SNUPN: variants seen among roughly 807,000 people sequenced by gnomAD.
The protein encoded by SNUPN is snurportin-1.
Under a neutral mutation model 39.2 loss-of-function variants are expected in SNUPN, and 31 were observed. The observed-to-expected ratio is 0.79, with a 90% CI of 0.59 to 1.07. The LOEUF is 1.07. Ranked by LOEUF, SNUPN falls within the 50% of genes least tolerant of loss-of-function variation. The probability of loss-of-function intolerance (pLI) is 0.00; values close to 1 mark genes in which losing one functional copy is unlikely to be tolerated. For synonymous variants in SNUPN, 132 were observed against 159.0 expected, an observed-to-expected ratio of 0.83 and a Z score of 1.28; for missense variants, 382 against 434.2, an observed-to-expected ratio of 0.88 and a Z score of 1.07.
chr15:75,599,553 C>G (rs1439475321), intron 8 of SNUPN, among the ~76,000 whole-genome samples: 1 of 152,206 alleles, frequency 6.6e-6, no homozygotes, highest in Non-Finnish European at 1.5e-5. Flanking sequence ...TAAACCTCCC[C>G]CTAAATTGTT....
intron 3 of SNUPN, among the ~76,000 whole-genome samples, chr15:75,615,855 G>A (rs1194060291): frequency 7.9e-5 from 12 of 151,462 alleles, no homozygotes; most frequent in Admixed American, 3.3e-4. Context: ...TGATCCACCC[G>A]CCTTGGCCTC....
At chr15:75,600,997 A>G in intron 8 of SNUPN, 141 bp downstream of exon 8, 1 of 684,310 alleles carries the variant, frequency 1.5e-6, no homozygotes, top group Non-Finnish European at 2.7e-6. Flanking sequence ...GGCAGCAAGT[A>G]CATCCTTTCT....
intron 2 of SNUPN, among the ~76,000 whole-genome samples, chr15:75,619,321 C>T (rs915114910): frequency 6.6e-6 from 1 of 151,482 alleles, no homozygotes; most frequent in South Asian, 2.1e-4. Context: ...CATACTACCA[C>T]ACACACTTGC....
chr15:75,608,073 A>G (rs1892678353), intron 5 of SNUPN, among the ~76,000 whole-genome samples: 1 of 152,140 alleles, frequency 6.6e-6, no homozygotes, highest in South Asian at 2.1e-4. Flanking sequence ...GAAAGGTACT[A>G]AACGCCAACA....
At position 75,615,324 on chromosome 15, in the gene SNUPN, C is replaced by A. The variant is rs1325325170; in HGVS notation, c.303+2084G>T. 2.0e-5 allele frequency among the ~76,000 whole-genome samples: 3 copies of A among 151,612 alleles called. No individual in the cohort carries two copies. The East Asian group carries it at 5.8e-4, about 30-fold the overall frequency. ...CCAGCCTCTGCACATATTTTTGAGG[C>A]CCTTTACATCTCTTCTGCCATACTC... On this transcript the variant is annotated intron_variant, in intron 3 of 8. Coordinates refer to ENST00000308588, the MANE Select transcript of SNUPN (RefSeq NM_005701.4).
At chr15:75,610,338 T>C (rs1892747780) in intron 3 of SNUPN, among the ~76,000 whole-genome samples, 1 of 149,380 alleles carries the variant, frequency 6.7e-6, no homozygotes, top group African/African-American at 2.5e-5. Flanking sequence ...AGGCAGAGGT[T>C]GCAGTGAGCC....
chr15:75,622,778 G>A (rs1893103815), intron 1 of SNUPN, among the ~76,000 whole-genome samples: 1 of 152,156 alleles, frequency 6.6e-6, no homozygotes, highest in Non-Finnish European at 1.5e-5. Flanking sequence ...ACTTTCCATT[G>A]CACAAGTGAA....
intron 6 of SNUPN, 72 bp from the exon 7 acceptor site, chr15:75,605,299 C>T (rs2075322333): frequency 1.9e-6 from 2 of 1,040,006 alleles, no homozygotes; most frequent in African/African-American, 1.6e-5. Flanking sequence ...AAAAACACCC[C>T]ATGCTATTTT....
At chr15:75,601,458 C>G (rs2075286181) in intron 7 of SNUPN, among the ~76,000 whole-genome samples, 2 of 152,122 alleles carry the variant, frequency 1.3e-5, no homozygotes, top group African/African-American at 4.8e-5. Context: ...GCCTGTAGTC[C>G]AAGCTACTTG....
intron 8 of SNUPN, among the ~76,000 whole-genome samples, chr15:75,600,474 C>T (rs1197223132): frequency 1.3e-5 from 2 of 152,084 alleles, no homozygotes; most frequent in African/African-American, 4.8e-5. Flanking sequence ...GAGGTTTTGC[C>T]ATGTTGGCCA....
chr15:75,615,887 C>T (rs997458785), intron 3 of SNUPN, among the ~76,000 whole-genome samples: 12 of 151,910 alleles, frequency 7.9e-5, no homozygotes, highest in South Asian at 2.1e-4. Flanking sequence ...GGATTACAGG[C>T]GTGAGCCACT....
rs780570876 is a variant in SNUPN at position 75,617,449 on chromosome 15, T to C, written c.262A>G (p.Ile88Val). 14 of 1,614,176 alleles carry C rather than the reference T, an allele frequency of 8.7e-6. No homozygotes were observed. Among genetic ancestry groups the C allele is most frequent in the Middle Eastern group, 1.6e-4 (1 of 6,062 alleles). The part of the protein sequence containing the change: ...ENKKDDEEMD[I>V]DTVKKLPKHY... ...TTTGGTAACTTCTTGACAGTGTCAA[T>C]GTCCATTTCTTCATCATCTTTCTTA... The change falls in exon 3 of 9, where the codon ATT becomes GTT. Residue 88 changes from isoleucine (I) to valine (V), a missense_variant. Ile to Val is a conservative substitution (Grantham distance 29, BLOSUM62 3). Coordinates refer to ENST00000308588, the MANE Select transcript of SNUPN (RefSeq NM_005701.4).
intron 3 of SNUPN, among the ~76,000 whole-genome samples, chr15:75,613,827 T>C (rs1892861212): frequency 6.6e-6 from 1 of 152,170 alleles, no homozygotes; most frequent in Admixed American, 6.5e-5. Flanking sequence ...TATATGTTGC[T>C]GGTGGGAATG....
intron 5 of SNUPN, among the ~76,000 whole-genome samples, chr15:75,609,106 G>T (rs1595984258): frequency 6.6e-6 from 1 of 151,030 alleles, no homozygotes; most frequent in East Asian, 1.9e-4. Context: ...ACTCCAGCTT[G>T]GGTGACAAAG....
At chr15:75,625,344 C>T (rs1893198048) in intron 1 of SNUPN, 2 of 151,382 alleles carry the variant, frequency 1.3e-5, no homozygotes, top group African/African-American at 4.8e-5. Flanking sequence ...ACCCCTGCTA[C>T]CGGGCTCCAG....
intron 3 of SNUPN, among the ~76,000 whole-genome samples, chr15:75,612,341 C>G (rs1029295126): frequency 1.7e-4 from 26 of 151,870 alleles, no homozygotes; most frequent in Non-Finnish European, 3.7e-4. Context: ...CCTCCCATAC[C>G]TCTTTCTTAT....
intron 1 of SNUPN, among the ~76,000 whole-genome samples, chr15:75,624,240 A>G (rs1273470301): frequency 1.3e-5 from 2 of 151,026 alleles, no homozygotes; most frequent in African/African-American, 4.9e-5. Context: ...AAAAATTTTT[A>G]AAAAGTCATT....
chr15:75,601,090 C>T, intron 8 of SNUPN, 48 bp downstream of exon 8: 2 of 1,306,070 alleles, frequency 1.5e-6, no homozygotes, highest in Non-Finnish European at 1.1e-6. Context: ...CTAAGTCTCT[C>T]TGCAGCCTAT....
At chr15:75,609,455 C>T in intron 5 of SNUPN, 103 bp downstream of exon 5, 3 of 832,534 alleles carry the variant, frequency 3.6e-6, no homozygotes, top group Non-Finnish European at 4.1e-6. Flanking sequence ...TCCCAAAGTG[C>T]TGGGATTACA....
Sources: gnomAD v4.1 joint callset for allele counts (sites outside exome capture counted in the v4.1 genomes callset) on GRCh38, gnomAD v4.1.1 for gene constraint, MANE v1.5 for transcripts, NCBI Gene and HGNC (gene_info 2026-07-23, HGNC 2026-07-21) for gene names.